The following NAALADL2 variants were observed in gnomAD, a reference collection of about 807,000 sequenced individuals.
NAALADL2 encodes the protein N-acetylated alpha-linked acidic dipeptidase like 2.
In NAALADL2, 76 loss-of-function variants were observed where a neutral mutation model predicts 87.2. That is an observed-to-expected ratio of 0.87 (90% CI 0.72 to 1.05). The LOEUF (loss-of-function observed/expected upper bound fraction) is 1.05, where lower values mean the gene tolerates loss of function less well. Ranked by LOEUF, NAALADL2 falls within the 50% of genes least tolerant of loss-of-function variation. NAALADL2 has a pLI of 0.00. For synonymous variants in NAALADL2, 354 were observed against 331.0 expected (o/e 1.07, Z -0.75); for missense variants, 1,089 against 945.8 (o/e 1.15, Z -1.99).
intron 13 of NAALADL2, among the ~76,000 whole-genome samples, chr3:175,796,637 A>G (rs1753533479): frequency 6.6e-6 from 1 of 152,238 alleles, no homozygotes; most frequent in African/African-American, 2.4e-5. Context: ...CAGTTAGTAT[A>G]ATCCCTAAAA....
chr3:175,250,802 C>T (rs1166881652), intron 3 of NAALADL2, among the ~76,000 whole-genome samples: 2 of 152,188 alleles, frequency 1.3e-5, no homozygotes, highest in African/African-American at 4.8e-5. Context: ...ATGTTCCTAG[C>T]ACATAATAGG....
At chr3:175,259,860 TC>T (rs1422075501) in intron 4 of NAALADL2, among the ~76,000 whole-genome samples, 3 of 152,106 alleles carry the variant, frequency 2.0e-5, no homozygotes, top group African/African-American at 7.2e-5. Context: ...AAACCCTGTC[TC>T]TACCAAAAAT....
intron 2 of NAALADL2, among the ~76,000 whole-genome samples, chr3:174,700,112 A>G (rs1168435584): frequency 1.3e-5 from 2 of 151,172 alleles, no homozygotes; most frequent in African/African-American, 4.9e-5. Flanking sequence ...ATTGATCTGA[A>G]AAAAAAAATG....
chr3:175,491,484 T>C (rs1366915944), intron 9 of NAALADL2, among the ~76,000 whole-genome samples: 1 of 152,174 alleles, frequency 6.6e-6, no homozygotes, highest in Non-Finnish European at 1.5e-5. Flanking sequence ...ACTTTTGCTA[T>C]TGTTAAGAGA....
chr3:174,659,130 T>A (rs1168200998), intron 2 of NAALADL2, among the ~76,000 whole-genome samples: 58 of 152,200 alleles, frequency 3.8e-4, no homozygotes, highest in Non-Finnish European at 2.9e-5. Context: ...TCTGAATAGT[T>A]ATGATGTGGA....
At chr3:175,111,974 A>G (rs1724267308) in intron 2 of NAALADL2, among the ~76,000 whole-genome samples, 1 of 151,648 alleles carries the variant, frequency 6.6e-6, no homozygotes, top group Non-Finnish European at 1.5e-5. Context: ...ATCTTGAACA[A>G]CATTCTTAAA....
chr3:175,199,819 AATATATATATATATATATATATATAT>A (rs1273667396), intron 2 of NAALADL2, among the ~76,000 whole-genome samples: 18 of 21,364 alleles, frequency 8.4e-4, no homozygotes, highest in African/African-American at 1.1e-3. Flanking sequence ...GGGGGAAAGA[AATATATATATATATATATATATATAT>A]ATATATATAT....
chr3:174,497,608 T>A (rs1382548587), intron 1 of NAALADL2, among the ~76,000 whole-genome samples: 1 of 146,726 alleles, frequency 6.8e-6, no homozygotes, highest in Non-Finnish European at 1.5e-5. Flanking sequence ...AATTGCCACA[T>A]CTTTTGAAAA....
chr3:174,864,135 A>G (rs905018409), intron 1 of NAALADL2: 2 of 450,118 alleles, frequency 4.4e-6, no homozygotes, highest in African/African-American at 4.0e-5. Context: ...GTGCATGTGA[A>G]GATGGACTGG....
chr3:175,665,348 A>C (rs898323818), intron 11 of NAALADL2, among the ~76,000 whole-genome samples: 9 of 152,242 alleles, frequency 5.9e-5, no homozygotes, highest in Non-Finnish European at 1.2e-4. Flanking sequence ...AGACCAACCA[A>C]CTTTTCGGGA....
rs1183498281 is a variant in NAALADL2, at chr3:175,602,390, ACTATATAT to A, written c.1801-24892_1801-24885del. Among the ~76,000 whole-genome samples the A allele has an allele frequency of 2.0e-5, 3 of 152,186 alleles. No individual in the cohort carries two copies. The East Asian group carries it at 5.8e-4, about 29-fold the overall frequency. ...TGAACTTTAATACACAGTGATAAGT[ACTATATAT>A]CTATATATGTAACATGTATGTAAAC... On this transcript the variant is annotated intron_variant, in intron 10 of 13. Transcript: ENST00000454872.
intron 1 of NAALADL2, among the ~76,000 whole-genome samples, chr3:174,503,374 A>G (rs1239764216): frequency 3.3e-5 from 5 of 152,154 alleles, no homozygotes; most frequent in Non-Finnish European, 7.4e-5. Context: ...TTTTCATCTT[A>G]TTATGCTTAT....
intron 10 of NAALADL2, among the ~76,000 whole-genome samples, chr3:175,580,731 A>G (rs570115388): frequency 6.6e-6 from 1 of 152,288 alleles, no homozygotes; most frequent in East Asian, 1.9e-4. Flanking sequence ...TCTCTAGATC[A>G]TTATCTTTCT....
At chr3:174,958,610 C>T (rs945264835) in intron 1 of NAALADL2, among the ~76,000 whole-genome samples, 4 of 151,996 alleles carry the variant, frequency 2.6e-5, no homozygotes, top group South Asian at 2.1e-4. Flanking sequence ...GAATCTTCTA[C>T]GTGAAACAAG....
At chr3:174,522,840 A>C (rs1457836661) in intron 1 of NAALADL2, among the ~76,000 whole-genome samples, 3 of 146,948 alleles carry the variant, frequency 2.0e-5, no homozygotes, top group Non-Finnish European at 4.5e-5. Context: ...AGGCTGAGGC[A>C]GGAGAATGGC....
chr3:175,278,555 G>C (rs1753886729), intron 4 of NAALADL2, among the ~76,000 whole-genome samples: 1 of 152,128 alleles, frequency 6.6e-6, no homozygotes, highest in South Asian at 2.1e-4. Flanking sequence ...CTTTTTGGAT[G>C]ATTTGCAGCC....
intron 13 of NAALADL2, among the ~76,000 whole-genome samples, chr3:175,797,339 G>T (rs1202942183): frequency 6.6e-6 from 1 of 152,026 alleles, no homozygotes; most frequent in Non-Finnish European, 1.5e-5. Context: ...TTTTAATTAG[G>T]TCTGATGTCT....
intron 9 of NAALADL2, among the ~76,000 whole-genome samples, chr3:175,517,195 CTT>C (rs1175298140): frequency 1.3e-5 from 2 of 152,114 alleles, no homozygotes; most frequent in Non-Finnish European, 2.9e-5. Flanking sequence ...CTTCATAAGA[CTT>C]ATAATGGCTC....
intron 2 of NAALADL2, among the ~76,000 whole-genome samples, chr3:174,569,481 C>G (rs1366167472): frequency 6.6e-6 from 1 of 152,050 alleles, no homozygotes; most frequent in Non-Finnish European, 1.5e-5. Flanking sequence ...CAATCTTTAT[C>G]TACTGTTGCC....
Sources: gnomAD v4.1 joint callset for allele counts (sites outside exome capture counted in the v4.1 genomes callset) on GRCh38, gnomAD v4.1.1 for gene constraint, MANE v1.5 for transcripts, NCBI Gene and HGNC (gene_info 2026-07-23, HGNC 2026-07-21) for gene names.